The following SPAG17 variants were observed in gnomAD, a reference collection of about 807,000 sequenced individuals.
SPAG17 encodes the protein sperm-associated antigen 17.
In SPAG17, 169 loss-of-function variants were observed where a neutral mutation model predicts 273.6. That is an observed-to-expected ratio of 0.62 (90% CI 0.55 to 0.70). The LOEUF (loss-of-function observed/expected upper bound fraction) is 0.70. Among genes scored for constraint, SPAG17 ranks in the 30% least tolerant of loss-of-function variants. The probability of loss-of-function intolerance (pLI) is 0.00; values close to 1 mark genes in which losing one functional copy is unlikely to be tolerated. For synonymous variants in SPAG17, 825 were observed against 873.2 expected, an observed-to-expected ratio of 0.94 and a Z score of 0.97; for missense variants, 2,557 against 2,627.8, an observed-to-expected ratio of 0.97 and a Z score of 0.59.
At chr1:118,092,481 C>A (rs1253502905) in intron 8 of SPAG17, among the ~76,000 whole-genome samples, 1 of 152,216 alleles carries the variant, frequency 6.6e-6, no homozygotes, top group African/African-American at 2.4e-5. Context: ...CACTGAACTA[C>A]CCTGTGCTCC....
intron 10 of SPAG17, 112 bp from the exon 11 acceptor site, chr1:118,087,120 C>A: frequency 8.4e-7 from 1 of 1,190,346 alleles, no homozygotes; most frequent in Non-Finnish European, 1.1e-6. Context: ...TTTCTGGGAC[C>A]CAAGTACCAC....
Position 118,086,949 on chromosome 1 carries a change from T to C in SPAG17, c.1419A>G (p.Ala473=), listed in dbSNP as rs771244905. 6.9e-6 allele frequency: 11 copies of C among 1,596,432 alleles called. No individual in the cohort carries two copies. The East Asian group carries it at 1.6e-4, about 23-fold the overall frequency. Residue 473 remains alanine, a synonymous_variant, in exon 11 of 49, where the codon GCA becomes GCG. Coordinates refer to ENST00000336338, the MANE Select transcript of SPAG17 (RefSeq NM_206996.4). The part of the protein sequence containing the change: ...PPSLREPSPR[A]DGLDHRIAAH... ...CTGCGATTCTGTGGTCTAGCCCGTC[T>C]GCTCTGGGGGATGGCTCCCGCAGAC...
intron 3 of SPAG17, among the ~76,000 whole-genome samples, chr1:118,135,777 C>A (rs947743544): frequency 6.6e-6 from 1 of 152,132 alleles, no homozygotes; most frequent in Non-Finnish European, 1.5e-5. Context: ...AATTTTAAGA[C>A]AATGGGAAAC....
intron 21 of SPAG17, among the ~76,000 whole-genome samples, chr1:118,041,341 T>C (rs1009260849): frequency 1.3e-5 from 2 of 152,022 alleles, no homozygotes; most frequent in Non-Finnish European, 2.9e-5. Context: ...CTTTCCATTT[T>C]TTTTTCCCAT....
intron 1 of SPAG17, among the ~76,000 whole-genome samples, chr1:118,181,750 T>C (rs1660960644): frequency 6.6e-6 from 1 of 152,130 alleles, no homozygotes; most frequent in African/African-American, 2.4e-5. Flanking sequence ...TGTGGTGAAA[T>C]GGAAATCCTT....
intron 30 of SPAG17, among the ~76,000 whole-genome samples, chr1:118,011,375 G>A (rs12142301): frequency 0.36 from 55,136 of 151,956 alleles, 11,149 homozygotes; most frequent in Non-Finnish European, 0.46. Context: ...TATACACCAC[G>A]GAATACTATG....
At chr1:118,124,657 G>C (rs1392756772) in intron 3 of SPAG17, among the ~76,000 whole-genome samples, 1 of 152,180 alleles carries the variant, frequency 6.6e-6, no homozygotes, top group East Asian at 1.9e-4. Context: ...ACCCTGTGCT[G>C]GACAAGGACC....
chr1:118,104,286 G>A (rs559863615), intron 4 of SPAG17, among the ~76,000 whole-genome samples: 1 of 152,342 alleles, frequency 6.6e-6, no homozygotes, highest in Non-Finnish European at 1.5e-5. Flanking sequence ...TTAAGATAGT[G>A]CTGTGGATTT....
In SPAG17 at chr1:118,154,960, A is replaced by G. The variant is rs1354160654; in HGVS notation, c.88-3591T>C. Among the ~76,000 whole-genome samples, 6 of 152,282 alleles carry G rather than the reference A, an allele frequency of 3.9e-5. No individual in the cohort carries two copies. In the East Asian group the frequency reaches 1.2e-3, roughly 30 times the overall value. Reference sequence around the variant, plus strand: ...AGAAAAGCTATACTGGATATATCCAATGGTGAAGGAAGAGGGTCTGGGTCT... The same window carrying G: ...AGAAAAGCTATACTGGATATATCCAGTGGTGAAGGAAGAGGGTCTGGGTCT... On this transcript the variant is annotated intron_variant, in intron 1 of 48. Coordinates refer to ENST00000336338, the MANE Select transcript of SPAG17 (RefSeq NM_206996.4).
At position 117,996,640 on chromosome 1, in the gene SPAG17, A is replaced by C. The variant is rs1421355308; in HGVS notation, c.4880T>G (p.Leu1627Arg). The change falls in exon 33 of 49, where the codon CTT becomes CGT. Residue 1627 changes from leucine (L) to arginine (R), a missense_variant. Coordinates refer to ENST00000336338, the MANE Select transcript of SPAG17 (RefSeq NM_206996.4). ...ATAGATTTGCTGATGATTCTTTTCAAGGTGCATAGAGGACAGACTATCATA... is the reference window on the plus strand; with the variant it reads ...ATAGATTTGCTGATGATTCTTTTCACGGTGCATAGAGGACAGACTATCATA... Reference protein sequence around the residue: ...EGYDSLSSMHLEKNHQQIYGE... With the variant: ...EGYDSLSSMHREKNHQQIYGE... The C allele has an allele frequency of 1.2e-6, 2 of 1,611,734 alleles. No homozygotes were observed. The highest frequency in any genetic ancestry group is 2.7e-5 in the African/African-American group (2 of 74,760).
At chr1:118,040,658 G>A (rs1467362257) in intron 22 of SPAG17, 72 bp downstream of exon 22, 2 of 1,017,862 alleles carry the variant, frequency 2.0e-6, no homozygotes, top group South Asian at 2.6e-5. Context: ...AAACTCAGGA[G>A]TAGAGGGCCC....
At chr1:117,957,150 G>T in intron 48 of SPAG17, 4 of 1,612,154 alleles carry the variant, frequency 2.5e-6, no homozygotes, top group Non-Finnish European at 3.4e-6. Context: ...CATTCAGCTG[G>T]GCTCTGATGT....
intron 3 of SPAG17, among the ~76,000 whole-genome samples, chr1:118,149,675 T>C (rs1659265512): frequency 6.6e-6 from 1 of 152,172 alleles, no homozygotes; most frequent in African/African-American, 2.4e-5. Flanking sequence ...CAAGCAATAC[T>C]AAATAGACCG....
At chr1:117,954,174 T>C in intron 48 of SPAG17, 125 bp from the exon 49 acceptor site, 2 of 1,271,528 alleles carry the variant, frequency 1.6e-6, no homozygotes, top group Admixed American at 2.0e-5. Context: ...TTTTGGGATT[T>C]ATTAACTAAG....
intron 15 of SPAG17, among the ~76,000 whole-genome samples, chr1:118,078,062 T>A (rs1654247976): frequency 6.6e-6 from 1 of 152,174 alleles, no homozygotes; most frequent in Non-Finnish European, 1.5e-5. Flanking sequence ...TAAGTATTAG[T>A]TAATGTACTT....
rs761771982 is a variant in SPAG17 at position 117,981,310 on chromosome 1, A to C, written c.5964T>G (p.Thr1988=). 1 of 1,595,320 alleles carries C rather than the reference A, an allele frequency of 6.3e-7. No homozygotes were observed. The highest frequency in any genetic ancestry group is 8.5e-7 in the Non-Finnish European group (1 of 1,175,632). The part of the protein sequence containing the change: ...PEISADKKDF[T]AQNQTENLTK... ...TTAAATTTTCAGTTTGGTTCTGAGC[A>C]GTGAAATCCTTCTTATCTGCAGAAA... is the stretch of plus-strand genomic sequence containing the variant. Residue 1988 remains threonine (T), a synonymous_variant, in exon 43 of 49, where the codon ACT becomes ACG. Coordinates refer to ENST00000336338, the MANE Select transcript of SPAG17 (RefSeq NM_206996.4).
At chr1:118,151,525 C>T (rs931831472) in intron 1 of SPAG17, among the ~76,000 whole-genome samples, 156 bp from the exon 2 acceptor site, 4 of 152,170 alleles carry the variant, frequency 2.6e-5, no homozygotes, top group Non-Finnish European at 5.9e-5. Flanking sequence ...TTGAAGTAGC[C>T]GCAAGGCGGC....
At chr1:118,056,593 TTC>T (rs923821796) in intron 18 of SPAG17, among the ~76,000 whole-genome samples, 6 of 152,214 alleles carry the variant, frequency 3.9e-5, no homozygotes, top group African/African-American at 1.4e-4. Context: ...AGAGAGTTGT[TTC>T]TGAGGACATT....
intron 26 of SPAG17, 78 bp from the exon 27 acceptor site, chr1:118,025,494 C>G: frequency 8.9e-7 from 1 of 1,119,498 alleles, no homozygotes; most frequent in Non-Finnish European, 1.2e-6. Context: ...TAATTATTTT[C>G]TTTTTCTTTT....
Sources: allele counts gnomAD v4.1 joint callset (sites outside exome capture counted in the v4.1 genomes callset), GRCh38; gene constraint gnomAD v4.1.1; transcripts MANE v1.5; gene names NCBI Gene and HGNC (gene_info 2026-07-23, HGNC 2026-07-21).